Variants in CEP63 observed in about 807,000 individuals in gnomAD.
CEP63 encodes centrosomal protein 63.
In CEP63, 84 loss-of-function variants were observed where a neutral mutation model predicts 89.1. The observed-to-expected ratio is 0.94, with a 90% confidence interval of 0.79 to 1.13. The LOEUF is 1.13. Ranked by LOEUF, CEP63 falls within the 50% of genes most tolerant of loss-of-function variation. CEP63 has a pLI of 0.00. For missense variants in CEP63, 838 were observed against 813.3 expected (o/e 1.03, Z -0.37); for synonymous variants, 267 against 272.5 (o/e 0.98, Z 0.20).
At chr3:134,532,009 A>G in intron 4 of CEP63, 69 bp downstream of exon 4, 2 of 1,062,704 alleles carry the variant, frequency 1.9e-6, no homozygotes, top group Non-Finnish European at 1.4e-6. Flanking sequence ...AACTTTGTTA[A>G]TGAAAGCCAG....
the CEP63 span, among the ~76,000 whole-genome samples, chr3:134,729,094 T>C: frequency 6.6e-6 from 1 of 152,226 alleles, no homozygotes; most frequent in Non-Finnish European, 1.5e-5. Context: ...TTTTAATTTT[T>C]AAAAATGTTC....
At chr3:134,620,786 C>A in the CEP63 span, 4 of 1,613,714 alleles carry the variant, frequency 2.5e-6, no homozygotes, top group South Asian at 1.1e-5. Flanking sequence ...TGGCGCGGAC[C>A]CTTTCCAGGT....
At chr3:134,652,564 G>A in the CEP63 span, among the ~76,000 whole-genome samples, 1 of 150,910 alleles carries the variant, frequency 6.6e-6, no homozygotes, top group Non-Finnish European at 1.5e-5. Flanking sequence ...AGACAGGCAA[G>A]TGGAGATGGC....
At chr3:134,578,299 T>C (rs1291175188), downstream of CEP63, among the ~76,000 whole-genome samples, 1 of 150,736 alleles carries the variant, frequency 6.6e-6, no homozygotes, top group Non-Finnish European at 1.5e-5. Context: ...CTTGACTTTT[T>C]AATAATCGTC....
the CEP63 span, among the ~76,000 whole-genome samples, chr3:134,690,457 G>A: frequency 4.6e-5 from 7 of 152,172 alleles, no homozygotes; most frequent in Admixed American, 4.6e-4. Context: ...CACTGCAATA[G>A]AGTGTTTATT....
intron 10 of CEP63, among the ~76,000 whole-genome samples, chr3:134,584,962 T>G (rs1320972797): frequency 6.8e-6 from 1 of 146,614 alleles, no homozygotes; most frequent in African/African-American, 2.6e-5. Context: ...TAGGGTTTTT[T>G]TTTTTTTTTT....
chr3:134,602,370 A>G, the CEP63 span, among the ~76,000 whole-genome samples: 3 of 152,116 alleles, frequency 2.0e-5, no homozygotes, highest in African/African-American at 7.2e-5. Context: ...TGAGCAAGCA[A>G]GGAGCCCTGA....
At chr3:134,651,484 T>C in the CEP63 span, 1 of 1,006,712 alleles carries the variant, frequency 9.9e-7, no homozygotes, top group African/African-American at 1.7e-5. Flanking sequence ...GCAAAGGGGC[T>C]CCAGATTGAA....
chr3:134,584,422 C>G (rs1351699203), intron 10 of CEP63, among the ~76,000 whole-genome samples: 2 of 152,154 alleles, frequency 1.3e-5, no homozygotes, highest in Admixed American at 6.5e-5. Context: ...TTTTCTGCAT[C>G]TATTGAGATA....
At chr3:134,774,373 A>G in the CEP63 span, among the ~76,000 whole-genome samples, 2 of 152,244 alleles carry the variant, frequency 1.3e-5, no homozygotes, top group East Asian at 3.8e-4. Context: ...ATGGCATACC[A>G]TGATACTAAT....
the CEP63 span, chr3:134,610,120 T>G: frequency 8.8e-5 from 132 of 1,492,004 alleles, no homozygotes; most frequent in Middle Eastern, 1.8e-4. Flanking sequence ...CTTCTCCACC[T>G]GCTGCTTCAT....
intron 13 of CEP63, 32 bp downstream of exon 13, chr3:134,558,379 G>A: frequency 1.5e-6 from 2 of 1,333,220 alleles, no homozygotes; most frequent in South Asian, 2.4e-5. Context: ...TTTAAAATGT[G>A]TATTGGTACA....
intron 3 of CEP63, among the ~76,000 whole-genome samples, chr3:134,513,991 C>T: frequency 6.6e-6 from 1 of 152,064 alleles, no homozygotes; most frequent in East Asian, 1.9e-4. Flanking sequence ...CAACAAAGAC[C>T]AGGAGACAAG....
the CEP63 span, chr3:134,643,432 G>T: frequency 6.8e-7 from 1 of 1,475,822 alleles, no homozygotes; most frequent in Non-Finnish European, 9.5e-7. Flanking sequence ...TTTTCCCCAG[G>T]CAGAGCAAAG....
chr3:134,657,277 C>T, the CEP63 span, among the ~76,000 whole-genome samples: 3 of 152,148 alleles, frequency 2.0e-5, no homozygotes, highest in Non-Finnish European at 4.4e-5. Context: ...AAGACTGGCC[C>T]CCATGATTCA....
intron 3 of CEP63, among the ~76,000 whole-genome samples, chr3:134,519,497 T>C (rs1159807390): frequency 6.6e-6 from 1 of 152,186 alleles, no homozygotes. Flanking sequence ...TAGACTTCAT[T>C]GGTGAATTCT....
the CEP63 span, among the ~76,000 whole-genome samples, chr3:134,598,218 G>A: frequency 9.8e-3 from 1,496 of 152,270 alleles, 8 homozygotes; most frequent in Non-Finnish European, 0.016. Context: ...AACACCCCTC[G>A]TTTCCCTGTG....
At position 134,558,422 on chromosome 3, in the gene CEP63, G is replaced by T; in HGVS notation, c.1673+75G>T. On this transcript the variant is annotated intron_variant, in intron 13 of 14. Transcript: ENST00000675561. ...TCTCATTTCTTTGAGAATAATTTTT[G>T]ACTTACAGAAATTAAATCTTCATCA... The T allele has an allele frequency of 3.8e-6, 4 of 1,058,648 alleles. No individual in the cohort carries two copies. The South Asian group carries it at 5.5e-5, about 15-fold the overall frequency. 65.6% of individuals were successfully genotyped at this position (1,058,648 alleles called of 1,614,324 possible).
chr3:134,689,207 T>C, the CEP63 span, among the ~76,000 whole-genome samples: 1 of 152,086 alleles, frequency 6.6e-6, no homozygotes, highest in South Asian at 2.1e-4. Context: ...CGGCTTATGA[T>C]GACTTCTTGT....
Sources: allele counts gnomAD v4.1 joint callset (sites outside exome capture counted in the v4.1 genomes callset), GRCh38; gene constraint gnomAD v4.1.1; transcripts MANE v1.5; gene names NCBI Gene and HGNC (gene_info 2026-07-23, HGNC 2026-07-21).